Variants in SPTBN4 observed in about 807,000 individuals in gnomAD.
SPTBN4 encodes spectrin beta, non-erythrocytic 4.
In SPTBN4, 96 loss-of-function variants were observed where a neutral mutation model predicts 277.8. The ratio of observed to expected loss-of-function variants is 0.35; its 90% confidence interval spans 0.29 to 0.41. The LOEUF (loss-of-function observed/expected upper bound fraction) is 0.41, where lower values mean the gene tolerates loss of function less well. Ranked by LOEUF, SPTBN4 falls within the 10% of genes least tolerant of loss-of-function variation. SPTBN4 has a pLI of 1.00. For synonymous variants in SPTBN4, 1,481 were observed against 1,580.3 expected (o/e 0.94, Z 1.49); for missense variants, 3,006 against 3,595.7 (o/e 0.84, Z 4.19).
intron 18 of SPTBN4, among the ~76,000 whole-genome samples, chr19:40,531,938 T>C (rs2145897296): frequency 6.6e-6 from 1 of 151,978 alleles, no homozygotes; most frequent in South Asian, 2.1e-4. Flanking sequence ...GGTTTGGGGA[T>C]CTATGGTCTT....
chr19:40,524,501 T>C (rs746702640), intron 17 of SPTBN4: 14 of 445,016 alleles, frequency 3.1e-5, no homozygotes, highest in Middle Eastern at 6.6e-4. Flanking sequence ...AGCAACATTC[T>C]GTCCCCCCTC....
At chr19:40,495,908 C>T (rs2080191726) in intron 6 of SPTBN4, among the ~76,000 whole-genome samples, 1 of 152,088 alleles carries the variant, frequency 6.6e-6, no homozygotes, top group African/African-American at 2.4e-5. Flanking sequence ...CTGCTGTGGA[C>T]ACCTGTCCAC....
At chr19:40,504,179 G>T in intron 12 of SPTBN4, 47 bp downstream of exon 12, 1 of 1,533,654 alleles carries the variant, frequency 6.5e-7, no homozygotes, top group South Asian at 1.2e-5. Flanking sequence ...AGGAGGGAGG[G>T]GAGGATGCAG....
intron 22 of SPTBN4, among the ~76,000 whole-genome samples, chr19:40,550,689 G>A (rs1018933684): frequency 6.6e-6 from 1 of 151,466 alleles, no homozygotes; most frequent in East Asian, 1.9e-4. Context: ...TTTTAGTAGA[G>A]ATGGACGGCG....
chr19:40,555,477 A>G, intron 24 of SPTBN4, among the ~76,000 whole-genome samples: 1 of 137,144 alleles, frequency 7.3e-6, no homozygotes, highest in Non-Finnish European at 1.6e-5. Context: ...GTGACAGAGC[A>G]AGACTCCGTC....
At position 40,512,880 on chromosome 19, in the gene SPTBN4, C is replaced by T; in HGVS notation, c.2091C>T (p.Leu697=). ...GAHDLSSTAR[L]LAQHKILQGE... ...ATGACCTGTCCAGCACAGCGCGCCT[C>T]CTGGCCCAGCACAAGATCCTGCAGG... Residue 697 remains leucine (L), a synonymous_variant, in exon 14 of 36, where the codon CTC becomes CTT. Transcript: ENST00000598249. 2 of 1,446,288 alleles carry T rather than the reference C, an allele frequency of 1.4e-6. No individual in the cohort carries two copies. Among genetic ancestry groups the T allele is most frequent in the Non-Finnish European group, 1.8e-6 (2 of 1,111,504 alleles). The allele number at this position is 1,446,288 out of a possible 1,614,324, so 89.6% of individuals were successfully genotyped here.
Position 40,554,144 on chromosome 19 carries a change from C to G in SPTBN4, c.4675-3C>G. On this transcript the variant is annotated splice_region_variant and splice_polypyrimidine_tract_variant and intron_variant, in intron 22 of 35. Coordinates refer to ENST00000598249, the MANE Select transcript of SPTBN4 (RefSeq NM_020971.3). This position sits in a 1 kb window ranked among gnomAD's most constrained non-coding sequence, Gnocchi z 5.7. Reference sequence around the variant, plus strand: ...CCCACATCCCCTTACCTCCTGCCCCCAGGGCCTGCGGCGGGAGATCCAGGC... The same window carrying G: ...CCCACATCCCCTTACCTCCTGCCCCGAGGGCCTGCGGCGGGAGATCCAGGC... 6.9e-7 allele frequency: 1 copy of G among 1,442,976 alleles called. No individual in the cohort carries two copies. The allele number at this position is 1,442,976 out of a possible 1,614,324, so 89.4% of individuals were successfully genotyped here.
At chr19:40,494,554 C>G (rs375756974) in intron 5 of SPTBN4, among the ~76,000 whole-genome samples, 84 of 121,578 alleles carry the variant, frequency 6.9e-4, no homozygotes, top group East Asian at 3.5e-3. Flanking sequence ...ATGTATGTAT[C>G]TATCTATCTA....
At chr19:40,481,439 A>G (rs10407864) in intron 2 of SPTBN4, among the ~76,000 whole-genome samples, 65,913 of 151,880 alleles carry the variant, frequency 0.43, 16,706 homozygotes, top group African/African-American at 0.71. Flanking sequence ...AGATTCAGTT[A>G]CTGTGCACCC....
rs866694071 is a variant in SPTBN4, at chr19:40,567,987, C to A, written c.6661C>A (p.Pro2221Thr). Residue 2221 changes from proline (P) to threonine (T), a missense_variant, in exon 31 of 36, where the codon CCC (proline) becomes ACC (threonine). By Grantham distance (38) the Pro-to-Thr change is conservative. This residue lies in a region of SPTBN4 where 630 missense variants were observed against 677.6 expected (regional missense o/e 0.93). Transcript: ENST00000598249. ...GGACGCGGCGGAGACCCCCGCGACC[C>A]CCGCGGCGGCGGAGCAGGTGCGGCC... ...PEDAAETPAT[P>T]AAAEQVRPRP... 2.0e-5 allele frequency: 30 copies of A among 1,500,226 alleles called. No homozygotes were observed. The African/African-American group carries it at 3.7e-4, about 18-fold the overall frequency. 92.9% of individuals were successfully genotyped at this position (1,500,226 alleles called of 1,614,324 possible). A position where few individuals can be genotyped will look rare whatever the true frequency, so the allele number is the denominator to read the frequency against.
chr19:40,523,738 C>A, intron 17 of SPTBN4, 99 bp downstream of exon 17: 1 of 1,083,180 alleles, frequency 9.2e-7, no homozygotes, highest in Non-Finnish European at 1.3e-6. Flanking sequence ...CCTTTCATCA[C>A]GATTTCTGCT....
Position 40,567,644 on chromosome 19 carries a change from C to T in SPTBN4, c.6337-19C>T. 1 of 1,485,040 alleles carries T rather than the reference C, an allele frequency of 6.7e-7. No individual in the cohort carries two copies. The highest frequency in any genetic ancestry group is 9.0e-7 in the Non-Finnish European group (1 of 1,116,418). 92.0% of individuals were successfully genotyped at this position (1,485,040 alleles called of 1,614,324 possible). ...CCGGCCCCACGCCTCCAACCTAACC[C>T]TGGTCCCTCCATCCTCAGATCGAGA... On this transcript the variant is annotated intron_variant, in intron 30 of 35. Coordinates refer to ENST00000598249, the MANE Select transcript of SPTBN4 (RefSeq NM_020971.3).
intron 2 of SPTBN4, among the ~76,000 whole-genome samples, chr19:40,485,748 G>A (rs2080064142): frequency 6.6e-6 from 1 of 152,074 alleles, no homozygotes; most frequent in Admixed American, 6.6e-5. Flanking sequence ...TGAGGCTGCA[G>A]TGAGCCATGA....
chr19:40,572,549 C>T (rs1197276906), intron 35 of SPTBN4, 169 bp downstream of exon 35: 5 of 778,968 alleles, frequency 6.4e-6, no homozygotes, highest in African/African-American at 1.7e-5. Flanking sequence ...GGTTCCTAAC[C>T]CAGTGGGGAG....
intron 13 of SPTBN4, among the ~76,000 whole-genome samples, chr19:40,510,051 G>C (rs1374067336): frequency 6.6e-6 from 1 of 152,048 alleles, no homozygotes; most frequent in Admixed American, 6.6e-5. Context: ...GGCCAGTGTG[G>C]GGAGTGCGAG....
chr19:40,554,254 G>T lies in SPTBN4; in HGVS notation c.4782G>T (p.Arg1594=). 2.0e-6 allele frequency: 3 copies of T among 1,528,936 alleles called. No homozygotes were observed. The highest frequency in any genetic ancestry group is 1.2e-5 in the South Asian group (1 of 83,448). The allele number at this position is 1,528,936 out of a possible 1,614,324, so 94.7% of individuals were successfully genotyped here. ...LRSPEAEAVR[R]GLEQLQSAWA... is the part of the protein sequence containing the mutation. ...GCCCGGAGGCAGAGGCAGTGCGCCG[G>T]GGCCTGGAGCAGCTGCAGAGCGCCT... Residue 1594 remains arginine, a synonymous_variant, in exon 23 of 36, where the codon CGG becomes CGT. Transcript: ENST00000598249. The surrounding 1 kb of genome is among the most constrained non-coding windows in gnomAD (Gnocchi z 5.7).
chr19:40,470,757 T>C (rs2079875556), intron 1 of SPTBN4, among the ~76,000 whole-genome samples: 1 of 151,920 alleles, frequency 6.6e-6, no homozygotes, highest in Non-Finnish European at 1.5e-5. Flanking sequence ...CTCAGCCTCC[T>C]GAGTAGCTGA....
intron 3 of SPTBN4, among the ~76,000 whole-genome samples, chr19:40,489,011 C>A (rs1203548237): frequency 1.3e-5 from 2 of 151,536 alleles, no homozygotes; most frequent in Non-Finnish European, 1.5e-5. Flanking sequence ...TGTGGTGAGA[C>A]CCGTTTCTAC....
At chr19:40,543,523 T>G (rs574622494) in intron 20 of SPTBN4, among the ~76,000 whole-genome samples, 1 of 152,286 alleles carries the variant, frequency 6.6e-6, no homozygotes, top group African/African-American at 2.4e-5. Context: ...CCAACAACTC[T>G]GCACTACAGA....
Sources: allele counts gnomAD v4.1 joint callset (sites outside exome capture counted in the v4.1 genomes callset), GRCh38; gene constraint gnomAD v4.1.1; regional missense constraint gnomAD v4.1.1; non-coding constraint Gnocchi (gnomAD v3.1); transcripts MANE v1.5; gene names NCBI Gene and HGNC (gene_info 2026-07-23, HGNC 2026-07-21).